The following MYSM1 variants were observed in gnomAD, a reference collection of about 807,000 sequenced individuals.
The protein encoded by MYSM1 is Myb like, SWIRM and MPN domains 1, also known as deubiquitinase MYSM1.
Under a neutral mutation model 116.0 loss-of-function variants are expected in MYSM1, and 51 were observed. The observed-to-expected ratio is 0.44, with a 90% CI of 0.35 to 0.56. The LOEUF is 0.56. MYSM1 is among the 20% of genes least tolerant of loss of function. The pLI is 0.00. For missense variants in MYSM1, 900 were observed against 974.9 expected (o/e 0.92, Z 1.02); for synonymous variants, 313 against 315.2 (o/e 0.99, Z 0.07).
chr1:58,697,611 TGGC>T (rs1644994648), intron 1 of MYSM1, among the ~76,000 whole-genome samples: 1 of 151,092 alleles, frequency 6.6e-6, no homozygotes. Context: ...TTTTTTGAGA[TGGC>T]GTTTTGCTCT....
Position 58,667,114 on chromosome 1 carries a change from A to C in MYSM1, c.1955T>G (p.Ile652Ser). 4 of 1,613,736 alleles carry C rather than the reference A, an allele frequency of 2.5e-6. No individual in the cohort carries two copies. The highest frequency in any genetic ancestry group is 3.4e-6 in the Non-Finnish European group (4 of 1,179,756). ...ETLAVRGFSV[I>S]GWYHSHPAFD... is the part of the protein sequence containing the mutation. The stretch of plus-strand genomic sequence containing the variant: ...AGCAGGATGAGAATGATACCATCCA[A>C]TAACACTGAAGCCTCTAACAGCCAA... The change falls in exon 16 of 20, where the codon ATT (isoleucine) becomes AGT (serine). Residue 652 changes from isoleucine (I) to serine (S), a missense_variant. Physicochemically the swap from Ile to Ser is moderately radical, Grantham distance 142. This residue lies in a region of MYSM1 where 92 missense variants were observed against 155.0 expected (regional missense o/e 0.59). Coordinates refer to ENST00000472487, the MANE Select transcript of MYSM1 (RefSeq NM_001085487.3).
chr1:58,692,189 A>T (rs1192395936), intron 3 of MYSM1, among the ~76,000 whole-genome samples: 1 of 152,232 alleles, frequency 6.6e-6, no homozygotes, highest in Admixed American at 6.5e-5. Context: ...TCAACATGGC[A>T]ATAAGTGGAA....
At chr1:58,677,461 T>C (rs1200777322) in intron 8 of MYSM1, among the ~76,000 whole-genome samples, 1 of 152,128 alleles carries the variant, frequency 6.6e-6, no homozygotes, top group Admixed American at 6.5e-5. Flanking sequence ...TCTACTCTTA[T>C]TTTGCTTAAC....
chr1:58,668,292 T>C, intron 14 of MYSM1: 1 of 406,620 alleles, frequency 2.5e-6, no homozygotes, highest in Non-Finnish European at 3.9e-6. Context: ...GTTGGAGGTA[T>C]CGGTAGTTTA....
intron 12 of MYSM1, among the ~76,000 whole-genome samples, chr1:58,669,328 C>T (rs1423957648): frequency 1.3e-5 from 2 of 151,954 alleles, no homozygotes; most frequent in Admixed American, 6.6e-5. Context: ...ACACTAAAAG[C>T]AGATTTCAAA....
chr1:58,681,849 C>CA lies in MYSM1; in HGVS notation c.1194dup (p.Glu399Ter), dbSNP rs1266088753. The CA allele has an allele frequency of 6.2e-7, 1 of 1,611,594 alleles. No individual in the cohort carries two copies. Among genetic ancestry groups the CA allele is most frequent in the Non-Finnish European group, 8.5e-7 (1 of 1,179,554 alleles). ...TCTGGTGTTTTAGCTTGGCGCCCCT[C>CA]AAAAAACTCAGGAATTGCTTGTTTT... is the stretch of plus-strand genomic sequence containing the variant. On this transcript the variant is annotated frameshift_variant, in exon 8 of 20. Transcript: ENST00000472487. LOFTEE classifies it high-confidence loss of function.
rs750469550 is a variant in MYSM1 at position 58,673,572 on chromosome 1, C to A, written c.1572+1G>T. On this transcript the variant is annotated splice_donor_variant, in intron 11 of 19. Coordinates refer to ENST00000472487, the MANE Select transcript of MYSM1 (RefSeq NM_001085487.3). LOFTEE classifies it high-confidence loss of function. ...TGAGCCATTTGAAAGGTCAAAGTTA[C>A]CTCAAACGTTTGTCCTTCTAAGTCC... 1 of 1,613,624 alleles carries A rather than the reference C, an allele frequency of 6.2e-7. No individual in the cohort carries two copies. The highest frequency in any genetic ancestry group is 1.1e-5 in the South Asian group (1 of 91,066).
intron 15 of MYSM1, 82 bp from the exon 16 acceptor site, chr1:58,667,308 C>T (rs1039931451): frequency 5.6e-5 from 64 of 1,139,342 alleles, no homozygotes; most frequent in East Asian, 1.1e-4. Flanking sequence ...TTCAAAGATA[C>T]GGAAACTTTT....
rs1042895097 is a variant in MYSM1, at chr1:58,655,402, C to T, written c.*4595G>A. ...AATAAAAACAACTCAGATACTACAA[C>T]TTAATTTTTACCTTCTCAAACTTCT... is the stretch of plus-strand genomic sequence containing the variant. On this transcript the variant is annotated 3_prime_UTR_variant, in exon 20 of 20. Transcript: ENST00000472487. The T allele has an allele frequency of 3.3e-5, 5 of 152,124 alleles. No homozygotes were observed. The East Asian group carries it at 9.6e-4, about 29-fold the overall frequency. The allele number at this position is 152,124 out of a possible 1,614,324, so 9.4% of individuals were successfully genotyped here.
rs1445523172 is a variant in MYSM1, at chr1:58,689,051, A to T, written c.386T>A (p.Phe129Tyr). The change falls in exon 6 of 20, where the codon TTT (phenylalanine) becomes TAT (tyrosine). Residue 129 changes from phenylalanine (F) to tyrosine (Y), a missense_variant. Transcript: ENST00000472487. Reference protein sequence around the residue: ...VKWTIEEKELFEQGLAKFGRR... With the variant: ...VKWTIEEKELYEQGLAKFGRR... ...TGCTCTATTTACCAGCCCTTGTTCA[A>T]ACAGCTCTTTTTCTTCTATCGTCCA... 1 of 1,611,468 alleles carries T rather than the reference A, an allele frequency of 6.2e-7. No individual in the cohort carries two copies. Among genetic ancestry groups the T allele is most frequent in the Admixed American group, 1.7e-5 (1 of 59,208 alleles).
intron 1 of MYSM1, among the ~76,000 whole-genome samples, chr1:58,697,003 G>A (rs6701772): frequency 0.41 from 62,896 of 152,050 alleles, 13,125 homozygotes; most frequent in Middle Eastern, 0.57. Flanking sequence ...CCAAGGAGAC[G>A]AGGAGCAGTT....
At chr1:58,667,558 A>G (rs1032819289) in intron 15 of MYSM1, among the ~76,000 whole-genome samples, 1 of 151,982 alleles carries the variant, frequency 6.6e-6, no homozygotes, top group Non-Finnish European at 1.5e-5. Context: ...ACTTTCAACT[A>G]AAGTGTTAGT....
chr1:58,685,299 A>G (rs1428386423), intron 6 of MYSM1, 48 bp from the exon 7 acceptor site: 2 of 1,333,786 alleles, frequency 1.5e-6, no homozygotes, highest in South Asian at 1.3e-5. Flanking sequence ...GAATTTACTT[A>G]AGAATAGTCC....
intron 7 of MYSM1, among the ~76,000 whole-genome samples, 155 bp downstream of exon 7, chr1:58,684,998 A>C (rs1644806657): frequency 6.6e-6 from 1 of 152,292 alleles, no homozygotes; most frequent in Non-Finnish European, 1.5e-5. Flanking sequence ...AAAACACTGA[A>C]GATATCCTCT....
Position 58,682,052 on chromosome 1 carries a change from A to T in MYSM1, c.992T>A (p.Ile331Lys). ...KNCNKHDGRGIIVDARQLPSP... is the reference protein window; with the variant it reads ...KNCNKHDGRGKIVDARQLPSP... The stretch of plus-strand genomic sequence containing the variant: ...AGGCAACTGCCTGGCATCAACTATT[A>T]TTCCCCTTCCATCATGCTTGTTGCA... Residue 331 changes from isoleucine (I) to lysine (K), a missense_variant, in exon 8 of 20, where the codon ATA becomes AAA. Physicochemically the swap from Ile to Lys is moderately radical, Grantham distance 102. Around this residue, in one of 3 missense-constraint regions of MYSM1, gnomAD observed 622 missense variants for 623.7 expected, o/e 1.00. Coordinates refer to ENST00000472487, the MANE Select transcript of MYSM1 (RefSeq NM_001085487.3). 2 of 1,614,116 alleles carry T rather than the reference A, an allele frequency of 1.2e-6. No homozygotes were observed. Among genetic ancestry groups the T allele is most frequent in the African/African-American group, 1.3e-5 (1 of 75,046 alleles).
chr1:58,658,211 GCT>G lies in MYSM1; in HGVS notation c.*1784_*1785del, dbSNP rs1249328693. The G allele has an allele frequency of 3.9e-5, 6 of 152,046 alleles. No individual in the cohort carries two copies. The highest frequency in any genetic ancestry group is 7.4e-5 in the Non-Finnish European group (5 of 68,010). 9.4% of individuals were successfully genotyped at this position (152,046 alleles called of 1,614,324 possible). On this transcript the variant is annotated 3_prime_UTR_variant, in exon 20 of 20. Transcript: ENST00000472487. The stretch of plus-strand genomic sequence containing the variant: ...AGTTGGTAACAGAGTTAGGGTAAGA[GCT>G]CAGGTTTCCTGACTTTTGGTATAGT...
intron 12 of MYSM1, among the ~76,000 whole-genome samples, chr1:58,671,418 G>A (rs1422731708): frequency 6.6e-6 from 1 of 152,002 alleles, no homozygotes; most frequent in African/African-American, 2.4e-5. Context: ...TATTCAATGG[G>A]GCATCTGCAG....
intron 8 of MYSM1, among the ~76,000 whole-genome samples, chr1:58,677,413 T>A (rs1644670905): frequency 6.6e-6 from 1 of 152,178 alleles, no homozygotes; most frequent in South Asian, 2.1e-4. Flanking sequence ...AGATTTAGTA[T>A]TAGACGTTTC....
intron 11 of MYSM1, among the ~76,000 whole-genome samples, chr1:58,673,346 A>G (rs184615183): frequency 3.9e-5 from 6 of 152,352 alleles, no homozygotes; most frequent in African/African-American, 1.2e-4. Flanking sequence ...AGACAAGAAT[A>G]CAGAGACAGA....
Sources: allele counts gnomAD v4.1 joint callset (sites outside exome capture counted in the v4.1 genomes callset), GRCh38; gene constraint gnomAD v4.1.1; regional missense constraint gnomAD v4.1.1; transcripts MANE v1.5; gene names NCBI Gene and HGNC (gene_info 2026-07-23, HGNC 2026-07-21).